The following PCDH15 variants were observed in gnomAD, a reference collection of about 807,000 sequenced individuals.
PCDH15 encodes protocadherin related 15, also known as protocadherin-15.
Under a neutral mutation model 178.5 loss-of-function variants are expected in PCDH15, and 129 were observed. The ratio of observed to expected loss-of-function variants is 0.72; its 90% CI spans 0.63 to 0.84. The LOEUF is 0.84. PCDH15 is among the 40% of genes least tolerant of loss of function. The probability of loss-of-function intolerance (pLI) is 0.00; values close to 1 mark genes in which losing one functional copy is unlikely to be tolerated. For missense variants in PCDH15, 2,230 were observed against 2,099.9 expected (o/e 1.06, Z -1.21); for synonymous variants, 800 against 732.0 (o/e 1.09, Z -1.50).
chr10:55,218,154 C>A lies in PCDH15; in HGVS notation c.-155-51503G>T, dbSNP rs184520096. ...TAGGCATGTGTGTTTCTATTTTGCA[C>A]ATGAGAAAGTGAAAGCTCAGAGCAA... On this transcript the variant is annotated intron_variant, in intron 1 of 5. Transcript: ENST00000458638. Among the ~76,000 whole-genome samples, 427 of 151,996 alleles carry A rather than the reference C, an allele frequency of 2.8e-3. 2 individuals carry two copies. Among genetic ancestry groups the A allele is most frequent in the Admixed American group, 4.7e-3 (71 of 15,238 alleles).
In PCDH15 at chr10:54,459,584, T is replaced by C. The variant is rs184768349; in HGVS notation, c.157+68228A>G. ...TCCCATAATGTAAAGATTTTAGAGA[T>C]TGACGTGAAGTCAGTGTTTTATGAG... On this transcript the variant is annotated intron_variant, in intron 3 of 37. Transcript: ENST00000644397. Among the ~76,000 whole-genome samples the C allele has an allele frequency of 1.6e-3, 237 of 152,192 alleles. 1 individual carries two copies. Among genetic ancestry groups the C allele is most frequent in the Non-Finnish European group, 1.5e-3 (102 of 68,000 alleles).
chr10:55,165,457 G>C (rs1325130875), intron 2 of PCDH15, among the ~76,000 whole-genome samples: 2 of 151,756 alleles, frequency 1.3e-5, no homozygotes, highest in African/African-American at 4.8e-5. Context: ...ATTACTAAAA[G>C]AGAATGTTAT....
chr10:55,013,506 C>G (rs992169576), intron 2 of PCDH15, among the ~76,000 whole-genome samples: 2 of 139,706 alleles, frequency 1.4e-5, no homozygotes, highest in African/African-American at 5.4e-5. Flanking sequence ...CTGCCTTTCC[C>G]TTAACTCAGA....
At chr10:54,209,937 G>A (rs532168511) in intron 10 of PCDH15, among the ~76,000 whole-genome samples, 2 of 152,158 alleles carry the variant, frequency 1.3e-5, no homozygotes, top group East Asian at 3.9e-4. Flanking sequence ...CCTCCTCTTA[G>A]CCCTCAATCA....
intron 3 of PCDH15, among the ~76,000 whole-genome samples, chr10:54,518,895 G>A (rs2082525289): frequency 6.6e-6 from 1 of 152,186 alleles, no homozygotes; most frequent in Non-Finnish European, 1.5e-5. Flanking sequence ...TGGGATGCAA[G>A]GCTGGTTCAA....
In PCDH15 at chr10:53,809,502, C is replaced by G. The variant is rs199992144; in HGVS notation, c.4671+1054G>C. The G allele has an allele frequency of 1.9e-6, 3 of 1,613,040 alleles. No homozygotes were observed. The Admixed American group carries it at 5.0e-5, about 27-fold the overall frequency. ...CAACTACTTCTTCCTCCTCACTAGG[C>G]TCTCTAATTTCAACCTTTGGTTTTT... On this transcript the variant is annotated intron_variant, in intron 37 of 37. Coordinates refer to ENST00000644397, the MANE Select transcript of PCDH15 (RefSeq NM_001384140.1).
At chr10:53,893,265 G>T (rs1589286176) in intron 26 of PCDH15, among the ~76,000 whole-genome samples, 1 of 152,154 alleles carries the variant, frequency 6.6e-6, no homozygotes, top group East Asian at 1.9e-4. Context: ...TCATAAAGCT[G>T]TCATCAAGTC....
At chr10:54,596,169 G>A (rs928007555) in intron 2 of PCDH15, among the ~76,000 whole-genome samples, 6 of 152,040 alleles carry the variant, frequency 3.9e-5, no homozygotes, top group Non-Finnish European at 7.4e-5. Context: ...ATCAGGTTCT[G>A]TAAGGTCAAA....
chr10:54,782,759 C>G (rs1178842291), intron 1 of PCDH15, among the ~76,000 whole-genome samples: 1 of 152,020 alleles, frequency 6.6e-6, no homozygotes, highest in African/African-American at 2.4e-5. Flanking sequence ...GTAGTACTGC[C>G]ACACACAGGA....
At chr10:55,466,559 A>C (rs1839835078) in intron 2 of PCDH15, among the ~76,000 whole-genome samples, 1 of 152,216 alleles carries the variant, frequency 6.6e-6, no homozygotes, top group South Asian at 2.1e-4. Flanking sequence ...AAAATTTGTA[A>C]GGGAATTGCT....
At chr10:53,945,882 T>TATATAA (rs2086529010) in intron 23 of PCDH15, among the ~76,000 whole-genome samples, 3 of 134,406 alleles carry the variant, frequency 2.2e-5, no homozygotes, top group Non-Finnish European at 3.2e-5. Context: ...TATATATATA[T>TATATAA]CACATTTTCT....
In PCDH15 at chr10:54,288,392, A is replaced by T. The variant is rs144328744; in HGVS notation, c.876+28879T>A. Among the ~76,000 whole-genome samples the T allele has an allele frequency of 4.1e-3, 622 of 152,274 alleles. 7 individuals carry two copies. Among genetic ancestry groups the T allele is most frequent in the African/African-American group, 0.012 (509 of 41,564 alleles). ...TTTTTTCTGGTAAAATTTAGAGACTAGATTGTCCAATGAAGATGGCTGAAT... is the reference window on the plus strand; with the variant it reads ...TTTTTTCTGGTAAAATTTAGAGACTTGATTGTCCAATGAAGATGGCTGAAT... On this transcript the variant is annotated intron_variant, in intron 8 of 37. Transcript: ENST00000644397.
At chr10:54,584,161 T>A (rs1040811879) in intron 2 of PCDH15, among the ~76,000 whole-genome samples, 11 of 152,052 alleles carry the variant, frequency 7.2e-5, no homozygotes, top group African/African-American at 2.7e-4. Flanking sequence ...CTGAGGAGAA[T>A]GACTTGAGCT....
chr10:54,061,523 TCC>T (rs1199107160), intron 18 of PCDH15, among the ~76,000 whole-genome samples: 1 of 152,054 alleles, frequency 6.6e-6, no homozygotes, highest in East Asian at 1.9e-4. Context: ...TATTTTTATT[TCC>T]TTTTTTTTTT....
chr10:53,925,964 TC>T (rs2084512934), intron 25 of PCDH15, among the ~76,000 whole-genome samples: 1 of 152,204 alleles, frequency 6.6e-6, no homozygotes, highest in African/African-American at 2.4e-5. Context: ...AACCTACCTG[TC>T]AGTCTTGAAC....
chr10:55,522,481 A>T (rs1057469178), intron 2 of PCDH15, among the ~76,000 whole-genome samples: 1 of 151,674 alleles, frequency 6.6e-6, no homozygotes, highest in Non-Finnish European at 1.5e-5. Flanking sequence ...TATTTGCTTT[A>T]TATATGTTAT....
At chr10:54,639,176 A>G (rs2093933386) in intron 2 of PCDH15, among the ~76,000 whole-genome samples, 1 of 152,156 alleles carries the variant, frequency 6.6e-6, no homozygotes, top group Admixed American at 6.6e-5. Flanking sequence ...TTCCAAATAT[A>G]TGCTTATAAA....
intron 21 of PCDH15, among the ~76,000 whole-genome samples, chr10:53,986,372 G>GA (rs1421987731): frequency 6.6e-6 from 1 of 152,156 alleles, no homozygotes; most frequent in African/African-American, 2.4e-5. Flanking sequence ...ATTGTTGGTG[G>GA]AAATGTAAAA....
At chr10:54,891,005 T>C in intron 3 of PCDH15, among the ~76,000 whole-genome samples, 1 of 152,058 alleles carries the variant, frequency 6.6e-6, no homozygotes, top group African/African-American at 2.4e-5. Flanking sequence ...AAGGGGGTCA[T>C]GTTGAGAAAA....
Sources: gnomAD v4.1 joint callset for allele counts (sites outside exome capture counted in the v4.1 genomes callset) on GRCh38, gnomAD v4.1.1 for gene constraint, MANE v1.5 for transcripts, NCBI Gene and HGNC (gene_info 2026-07-23, HGNC 2026-07-21) for gene names.